SCHIP1: variants seen among roughly 807,000 people sequenced by gnomAD.
The protein encoded by SCHIP1 is schwannomin interacting protein 1.
Under a neutral mutation model 29.7 loss-of-function variants are expected in SCHIP1, and 8 were observed. That is an observed-to-expected ratio of 0.27 (90% CI 0.16 to 0.49). SCHIP1 has a LOEUF of 0.49. Ranked by LOEUF, SCHIP1 falls within the 20% of genes least tolerant of loss-of-function variation. The pLI is 0.99. For synonymous variants in SCHIP1, 76 were observed against 94.9 expected, an observed-to-expected ratio of 0.80 and a Z score of 1.16; for missense variants, 193 against 294.6, an observed-to-expected ratio of 0.66 and a Z score of 2.52.
chr3:159,499,480 A>C, the SCHIP1 span, among the ~76,000 whole-genome samples: 1 of 152,234 alleles, frequency 6.6e-6, no homozygotes, highest in South Asian at 2.1e-4. Context: ...CATTTATGTT[A>C]AAAGTCAAAC....
chr3:159,887,944 A>G (rs2109453537), intron 4 of SCHIP1, 39 bp downstream of exon 5: 7 of 1,609,816 alleles, frequency 4.3e-6, no homozygotes, highest in Non-Finnish European at 5.9e-6. Context: ...AGTGTTTGGG[A>G]GCCAGAAATG....
At chr3:159,806,099 G>T in the SCHIP1 span, among the ~76,000 whole-genome samples, 1 of 152,128 alleles carries the variant, frequency 6.6e-6, no homozygotes, top group African/African-American at 2.4e-5. Flanking sequence ...GTGAGCCACC[G>T]CGCCTGGCCA....
chr3:159,764,318 T>TG, the SCHIP1 span: 1 of 1,176,706 alleles, frequency 8.5e-7, no homozygotes, highest in African/African-American at 1.6e-5. The surrounding 1 kb of genome is among the most constrained non-coding windows in gnomAD (Gnocchi z 6.1). Context: ...CAGGCCTCCT[T>TG]GGGGGACGCA....
chr3:159,382,889 G>C, the SCHIP1 span, among the ~76,000 whole-genome samples: 2 of 151,786 alleles, frequency 1.3e-5, no homozygotes, highest in African/African-American at 2.4e-5. Context: ...GTCTTTTTTG[G>C]CTGCATTAAT....
the SCHIP1 span, among the ~76,000 whole-genome samples, chr3:159,517,832 G>C: frequency 2.6e-5 from 4 of 151,956 alleles, no homozygotes; most frequent in Admixed American, 1.3e-4. Context: ...ATTTTTAAAA[G>C]ACAGAAAAAA....
the SCHIP1 span, among the ~76,000 whole-genome samples, chr3:159,519,760 A>C: frequency 2.0e-5 from 3 of 152,198 alleles, 1 homozygote; most frequent in African/African-American, 7.2e-5. Context: ...TGTACAAAAC[A>C]ATATCTTGAG....
At chr3:159,728,423 G>C in the SCHIP1 span, among the ~76,000 whole-genome samples, 1 of 152,174 alleles carries the variant, frequency 6.6e-6, no homozygotes, top group Admixed American at 6.5e-5. Flanking sequence ...AGTCTAGAGG[G>C]TGCTATACTA....
the SCHIP1 span, among the ~76,000 whole-genome samples, chr3:159,516,687 C>G: frequency 1.3e-5 from 2 of 152,152 alleles, no homozygotes; most frequent in Admixed American, 1.3e-4. Flanking sequence ...TAAACACCCT[C>G]TACAGTCTGA....
At chr3:159,287,161 G>A in the SCHIP1 span, among the ~76,000 whole-genome samples, 1 of 151,978 alleles carries the variant, frequency 6.6e-6, no homozygotes, top group African/African-American at 2.4e-5. Flanking sequence ...TGTTCAGAAT[G>A]ATATCTCCTA....
rs188166398 is a variant in SCHIP1, at chr3:159,895,052, C to A, written c.684-1671C>A. Among the ~76,000 whole-genome samples, 238 of 152,304 alleles carry A rather than the reference C, an allele frequency of 1.6e-3. 1 individual carries two copies. The highest frequency in any genetic ancestry group is 2.9e-3 in the Non-Finnish European group (197 of 68,030). ...GAACTGTAATTAGCTACAGTGGAATCAAGTTCACTGGGCATCAAAATATCT... is the reference window on the plus strand; with the variant it reads ...GAACTGTAATTAGCTACAGTGGAATAAAGTTCACTGGGCATCAAAATATCT... On this transcript the variant is annotated intron_variant, in intron 6 of 6. Transcript: ENST00000445224.
chr3:159,425,660 A>C, the SCHIP1 span, among the ~76,000 whole-genome samples: 1 of 152,250 alleles, frequency 6.6e-6, no homozygotes, highest in Non-Finnish European at 1.5e-5. Context: ...AAGGATACCC[A>C]GGAATTGAAC....
At chr3:159,654,257 C>T in the SCHIP1 span, among the ~76,000 whole-genome samples, 5 of 152,230 alleles carry the variant, frequency 3.3e-5, no homozygotes, top group East Asian at 9.7e-4. Context: ...TGGCACCATG[C>T]TCTTTCCCCC....
At chr3:159,644,932 A>C in the SCHIP1 span, among the ~76,000 whole-genome samples, 1 of 152,216 alleles carries the variant, frequency 6.6e-6, no homozygotes, top group Non-Finnish European at 1.5e-5. Flanking sequence ...GAGGGAACAA[A>C]GGCTGGAATG....
chr3:159,874,107 T>C (rs146406908), intron 2 of SCHIP1, among the ~76,000 whole-genome samples: 164 of 152,338 alleles, frequency 1.1e-3, no homozygotes, highest in African/African-American at 3.8e-3. Flanking sequence ...AAGGAAGTTT[T>C]CTCTGCCTTC....
At chr3:159,430,983 C>G in the SCHIP1 span, among the ~76,000 whole-genome samples, 1 of 152,070 alleles carries the variant, frequency 6.6e-6, no homozygotes, top group Non-Finnish European at 1.5e-5. Flanking sequence ...GGAGTTGAAG[C>G]CAACATGTCC....
the SCHIP1 span, among the ~76,000 whole-genome samples, chr3:159,506,854 G>GT: frequency 2.4e-4 from 37 of 152,306 alleles, 1 homozygote; most frequent in African/African-American, 8.7e-4. Context: ...GTACCATGCT[G>GT]TTTTTGTTAC....
At chr3:159,571,902 G>C in the SCHIP1 span, among the ~76,000 whole-genome samples, 2 of 152,176 alleles carry the variant, frequency 1.3e-5, no homozygotes, top group Non-Finnish European at 2.9e-5. Context: ...AGATTTTCTA[G>C]TTTATTTGTA....
the SCHIP1 span, among the ~76,000 whole-genome samples, chr3:159,776,642 T>G: frequency 6.6e-6 from 1 of 152,174 alleles, no homozygotes; most frequent in Non-Finnish European, 1.5e-5. Context: ...CTTTAAAACA[T>G]TTTGAATACC....
At chr3:159,843,822 CAAAAAA>C (rs1161141544) in intron 1 of SCHIP1, among the ~76,000 whole-genome samples, 3 of 39,990 alleles carry the variant, frequency 7.5e-5, no homozygotes, top group Admixed American at 2.5e-4. Context: ...GACTCTGTCT[CAAAAAA>C]AAAAAAAAAA....
Sources: allele counts gnomAD v4.1 joint callset (sites outside exome capture counted in the v4.1 genomes callset), GRCh38; gene constraint gnomAD v4.1.1; non-coding constraint Gnocchi (gnomAD v3.1); transcripts MANE v1.5; gene names NCBI Gene and HGNC (gene_info 2026-07-23, HGNC 2026-07-21).